Variants in RFPL1 observed in about 807,000 individuals in gnomAD.
RFPL1 encodes the protein ret finger protein-like 1.
In RFPL1, 6 loss-of-function variants were observed where a neutral mutation model predicts 9.6. The observed-to-expected ratio is 0.62, with a 90% confidence interval of 0.34 to 1.23. RFPL1 has a LOEUF of 1.23. Ranked by LOEUF, RFPL1 falls within the 50% of genes most tolerant of loss-of-function variation. The pLI, the probability that RFPL1 is intolerant of heterozygous loss-of-function variation, is 0.03. For missense variants in RFPL1, 352 were observed against 398.4 expected (o/e 0.88, Z 0.99); for synonymous variants, 145 against 149.4 (o/e 0.97, Z 0.22).
the RFPL1 span, chr22:29,433,122 G>C: frequency 6.6e-6 from 1 of 151,798 alleles, no homozygotes; most frequent in Non-Finnish European, 1.5e-5. Flanking sequence ...GTGAAACCCC[G>C]TCTCTTCTAA....
At chr22:29,412,228 C>T in the RFPL1 span, among the ~76,000 whole-genome samples, 46 of 152,306 alleles carry the variant, frequency 3.0e-4, 1 homozygote, top group South Asian at 8.5e-3. Flanking sequence ...GGTCCCAGAC[C>T]TGATCTTCCT....
chr22:29,397,056 T>C, the RFPL1 span, among the ~76,000 whole-genome samples: 7 of 151,982 alleles, frequency 4.6e-5, no homozygotes, highest in South Asian at 4.2e-4. Context: ...TACAGGCGCC[T>C]GCCACCGCGC....
the RFPL1 span, among the ~76,000 whole-genome samples, chr22:29,410,771 G>A: frequency 2.0e-5 from 3 of 150,596 alleles, no homozygotes; most frequent in Non-Finnish European, 4.4e-5. Context: ...TCCGGCTTCC[G>A]CATCCCGAGT....
At chr22:29,407,848 T>G in the RFPL1 span, among the ~76,000 whole-genome samples, 1 of 152,228 alleles carries the variant, frequency 6.6e-6, no homozygotes, top group East Asian at 1.9e-4. Flanking sequence ...TGACTTTTGG[T>G]TTTGTTGATT....
the RFPL1 span, among the ~76,000 whole-genome samples, chr22:29,392,479 T>G: frequency 7.2e-6 from 1 of 139,260 alleles, no homozygotes; most frequent in Non-Finnish European, 1.5e-5. Context: ...AACTTCTGCC[T>G]CCCAGGGTCA....
the RFPL1 span, among the ~76,000 whole-genome samples, chr22:29,403,142 C>T: frequency 2.6e-5 from 4 of 152,150 alleles, no homozygotes; most frequent in East Asian, 3.9e-4. Context: ...ACAGAAGGTC[C>T]CCACCTTCAT....
At chr22:29,413,478 T>C in the RFPL1 span, among the ~76,000 whole-genome samples, 2 of 152,200 alleles carry the variant, frequency 1.3e-5, no homozygotes, top group Non-Finnish European at 2.9e-5. Context: ...CAGTGGACTT[T>C]ATAGTCCTTG....
the RFPL1 span, among the ~76,000 whole-genome samples, chr22:29,409,499 G>A: frequency 2.0e-5 from 3 of 151,926 alleles, no homozygotes; most frequent in East Asian, 1.9e-4. Flanking sequence ...CTCCAGCCCC[G>A]GTCCACATCC....
At chr22:29,409,158 T>G in the RFPL1 span, among the ~76,000 whole-genome samples, 4 of 152,206 alleles carry the variant, frequency 2.6e-5, no homozygotes, top group Non-Finnish European at 4.4e-5. Context: ...TTACTATATT[T>G]ACACGGTTGT....
At chr22:29,394,527 A>G in the RFPL1 span, among the ~76,000 whole-genome samples, 6 of 152,030 alleles carry the variant, frequency 3.9e-5, no homozygotes, top group Non-Finnish European at 7.4e-5. Context: ...ATTTTAGTAG[A>G]GAAAGGGTTT....
chr22:29,404,128 A>C, the RFPL1 span, among the ~76,000 whole-genome samples: 1 of 151,904 alleles, frequency 6.6e-6, no homozygotes, highest in Non-Finnish European at 1.5e-5. Flanking sequence ...TTCCCAAGAT[A>C]GGTTACACAG....
chr22:29,436,436 CA>C (rs758149858), upstream of RFPL1: 1,281 of 134,016 alleles, frequency 9.6e-3, 6 homozygotes, highest in Middle Eastern at 0.034. Flanking sequence ...ACTAAAAATA[CA>C]AAAAAAAAAA....
the RFPL1 span, among the ~76,000 whole-genome samples, chr22:29,388,951 A>T: frequency 3.3e-5 from 5 of 152,128 alleles, no homozygotes; most frequent in African/African-American, 1.2e-4. Context: ...ATCTGGGCTC[A>T]CTGCACCCTC....
upstream of RFPL1, chr22:29,436,599 C>CAAAAAAAAAAAAA (rs200602345): frequency 2.2e-5 from 2 of 92,520 alleles, no homozygotes; most frequent in Non-Finnish European, 2.3e-5. Context: ...GAATCTGTCT[C>CAAAAAAAAAAAAA]AAAAAAAAAA....
chr22:29,434,758 C>CT (rs2062800975), upstream of RFPL1: 1 of 153,450 alleles, frequency 6.5e-6, no homozygotes, highest in African/African-American at 2.4e-5. Context: ...TGCCTTTAAC[C>CT]ACCCTCTGGG....
At chr22:29,391,746 G>A in the RFPL1 span, among the ~76,000 whole-genome samples, 12 of 152,196 alleles carry the variant, frequency 7.9e-5, no homozygotes, top group Non-Finnish European at 1.8e-4. Flanking sequence ...GAAAAGAACT[G>A]TGCCGAGGCA....
At chr22:29,418,953 C>A in the RFPL1 span, among the ~76,000 whole-genome samples, 8,835 of 152,014 alleles carry the variant, frequency 0.058, 861 homozygotes, top group African/African-American at 0.2. Context: ...CTCACTCCAT[C>A]ACCACCTGAC....
the RFPL1 span, among the ~76,000 whole-genome samples, chr22:29,398,483 G>C: frequency 1.3e-5 from 2 of 152,204 alleles, no homozygotes; most frequent in Non-Finnish European, 2.9e-5. Flanking sequence ...GTAGTTGAGG[G>C]CATGCAATCC....
At chr22:29,396,815 A>C in the RFPL1 span, among the ~76,000 whole-genome samples, 1 of 148,358 alleles carries the variant, frequency 6.7e-6, no homozygotes, top group African/African-American at 2.5e-5. Context: ...GTTTTGCCTC[A>C]TGTGCTCAAG....
Sources: gnomAD v4.1 joint callset for allele counts (sites outside exome capture counted in the v4.1 genomes callset) on GRCh38, gnomAD v4.1.1 for gene constraint, MANE v1.5 for transcripts, NCBI Gene and HGNC (gene_info 2026-07-23, HGNC 2026-07-21) for gene names.